The following RABGAP1L variants were observed in gnomAD, a reference collection of about 807,000 sequenced individuals.
RABGAP1L encodes RAB GTPase activating protein 1 like.
RABGAP1L carries 63 observed loss-of-function variants against 137.7 expected under a neutral mutation model. The observed-to-expected ratio is 0.46, with a 90% confidence interval of 0.37 to 0.56. The LOEUF is 0.56. RABGAP1L is among the 20% of genes least tolerant of loss of function. The probability of loss-of-function intolerance (pLI) is 0.00; values close to 1 mark genes in which losing one functional copy is unlikely to be tolerated. For missense variants in RABGAP1L, 1,095 were observed against 1,244.0 expected, an observed-to-expected ratio of 0.88 and a Z score of 1.80; for synonymous variants, 431 against 433.7, an observed-to-expected ratio of 0.99 and a Z score of 0.08.
chr1:174,163,630 A>G (rs1167863301), intron 1 of RABGAP1L, among the ~76,000 whole-genome samples: 2 of 151,764 alleles, frequency 1.3e-5, no homozygotes, highest in Non-Finnish European at 2.9e-5. Context: ...AAAAAACCCA[A>G]CAACAACACA....
chr1:174,802,467 C>T (rs1261574609), intron 18 of RABGAP1L, among the ~76,000 whole-genome samples: 1 of 152,160 alleles, frequency 6.6e-6, no homozygotes, highest in East Asian at 1.9e-4. Context: ...ATTAGCCGGG[C>T]GTGGTGGCAC....
intron 19 of RABGAP1L, among the ~76,000 whole-genome samples, chr1:174,937,466 A>G (rs1020782435): frequency 2.0e-5 from 3 of 146,776 alleles, no homozygotes; most frequent in Admixed American, 2.0e-4. Context: ...TTTCATTTTT[A>G]GTAGAGATGG....
At chr1:174,477,627 A>G (rs1241723755) in intron 13 of RABGAP1L, among the ~76,000 whole-genome samples, 1 of 152,202 alleles carries the variant, frequency 6.6e-6, no homozygotes, top group Non-Finnish European at 1.5e-5. Flanking sequence ...TTTTTCTGAC[A>G]GCATTGTCAT....
chr1:174,437,083 A>G (rs1464683403), intron 13 of RABGAP1L, among the ~76,000 whole-genome samples: 462 of 126,136 alleles, frequency 3.7e-3, no homozygotes, highest in South Asian at 5.4e-3. Flanking sequence ...CACCATCATC[A>G]AAGACCAAAG....
intron 19 of RABGAP1L, among the ~76,000 whole-genome samples, chr1:174,892,051 G>C (rs957827157): frequency 1.3e-5 from 2 of 152,230 alleles, no homozygotes; most frequent in African/African-American, 4.8e-5. Context: ...CACAGTCCGG[G>C]TGGGCATGGT....
chr1:174,205,486 G>A (rs1668442930), intron 1 of RABGAP1L, among the ~76,000 whole-genome samples: 1 of 152,026 alleles, frequency 6.6e-6, no homozygotes, highest in African/African-American at 2.4e-5. Flanking sequence ...TCTCTGTGGG[G>A]AATCAGTTTC....
intron 13 of RABGAP1L, among the ~76,000 whole-genome samples, chr1:174,459,382 C>T (rs1656412299): frequency 6.6e-6 from 1 of 152,070 alleles, no homozygotes; most frequent in South Asian, 2.1e-4. Flanking sequence ...TTCACGGAGT[C>T]TGTTAGAATA....
chr1:174,343,521 A>T (rs1255524188), intron 11 of RABGAP1L, among the ~76,000 whole-genome samples: 1 of 152,188 alleles, frequency 6.6e-6, no homozygotes, highest in Non-Finnish European at 1.5e-5. Context: ...CCTGATTACA[A>T]GTGAGGCTTA....
At chr1:174,426,447 A>G (rs1031525792) in intron 13 of RABGAP1L, among the ~76,000 whole-genome samples, 1 of 152,080 alleles carries the variant, frequency 6.6e-6, no homozygotes, top group Non-Finnish European at 1.5e-5. Context: ...ATTTTCCAAA[A>G]CTTTTCTATT....
intron 11 of RABGAP1L, among the ~76,000 whole-genome samples, chr1:174,360,046 A>G (rs1462242405): frequency 6.6e-6 from 1 of 152,040 alleles, no homozygotes; most frequent in Non-Finnish European, 1.5e-5. Context: ...AATTGTGCTT[A>G]TTATCTTTTA....
intron 11 of RABGAP1L, among the ~76,000 whole-genome samples, chr1:174,340,498 G>A (rs1224759270): frequency 2.0e-5 from 3 of 152,040 alleles, no homozygotes; most frequent in Admixed American, 2.0e-4. Flanking sequence ...TCATCGTTCA[G>A]CTTCCACTTA....
chr1:174,522,410 C>G (rs1324819018), intron 13 of RABGAP1L, among the ~76,000 whole-genome samples: 3 of 151,944 alleles, frequency 2.0e-5, no homozygotes, highest in Non-Finnish European at 4.4e-5. Context: ...AACCCCATCT[C>G]TACAAAAACT....
intron 13 of RABGAP1L, among the ~76,000 whole-genome samples, chr1:174,632,640 A>G (rs1452666190): frequency 6.7e-6 from 1 of 149,338 alleles, no homozygotes; most frequent in Non-Finnish European, 1.5e-5. Context: ...CATTTCATTC[A>G]TTTCATCTTC....
chr1:174,192,052 G>A (rs543760729), intron 1 of RABGAP1L, among the ~76,000 whole-genome samples: 33 of 152,186 alleles, frequency 2.2e-4, no homozygotes, highest in Middle Eastern at 3.4e-3. Flanking sequence ...AGACTGAATG[G>A]TCTAAAAATT....
At chr1:174,378,051 T>C (rs1685731065) in intron 12 of RABGAP1L, among the ~76,000 whole-genome samples, 1 of 144,248 alleles carries the variant, frequency 6.9e-6, no homozygotes, top group African/African-American at 2.7e-5. Flanking sequence ...TTTTTTGTTC[T>C]TGCGATAGTT....
rs565880704 is a variant in RABGAP1L at position 174,418,743 on chromosome 1, A to C, written c.1710+24598A>C. ...TCATTTTAATCCTGTGTAGTGTCTA[A>C]ATTTTAGAATACAGTCTGGGTGCGG... On this transcript the variant is annotated intron_variant, in intron 13 of 25. Coordinates refer to ENST00000681986, the MANE Select transcript of RABGAP1L (RefSeq NM_001366446.1). 2.0e-5 allele frequency among the ~76,000 whole-genome samples: 3 copies of C among 152,276 alleles called. No homozygotes were observed. In the East Asian group the frequency reaches 5.8e-4, roughly 29 times the overall value.
At chr1:174,368,135 C>CA (rs1684808750) in intron 11 of RABGAP1L, 1 of 152,338 alleles carries the variant, frequency 6.6e-6, no homozygotes, top group South Asian at 2.1e-4. Flanking sequence ...TGCCGGGCAG[C>CA]ATCCTTGTCC....
chr1:174,639,037 A>T (rs535180947), intron 14 of RABGAP1L, among the ~76,000 whole-genome samples: 3 of 131,940 alleles, frequency 2.3e-5, no homozygotes, highest in East Asian at 2.1e-4. Flanking sequence ...AAAGTGTAAT[A>T]AAAAAAAAAA....
At chr1:174,578,566 G>A (rs1457918129) in intron 13 of RABGAP1L, among the ~76,000 whole-genome samples, 3 of 152,022 alleles carry the variant, frequency 2.0e-5, no homozygotes, top group African/African-American at 4.8e-5. Flanking sequence ...TGACTTTGTA[G>A]TATCACTTTA....
Sources: allele counts gnomAD v4.1 joint callset (sites outside exome capture counted in the v4.1 genomes callset), GRCh38; gene constraint gnomAD v4.1.1; transcripts MANE v1.5; gene names NCBI Gene and HGNC (gene_info 2026-07-23, HGNC 2026-07-21).